Variants in USP24 observed in about 807,000 individuals in gnomAD.
USP24 encodes ubiquitin carboxyl-terminal hydrolase 24.
Under a neutral mutation model 361.6 loss-of-function variants are expected in USP24, and 97 were observed. The observed-to-expected ratio is 0.27, with a 90% CI of 0.23 to 0.32. The LOEUF (loss-of-function observed/expected upper bound fraction) is 0.32. Among genes scored for constraint, USP24 ranks in the 10% least tolerant of loss-of-function variants. USP24 has a pLI of 1.00. For synonymous variants in USP24, 1,098 were observed against 1,124.6 expected (o/e 0.98, Z 0.47); for missense variants, 2,353 against 3,165.6 (o/e 0.74, Z 6.16).
rs1160718491 is a variant in USP24, at chr1:55,067,268, GAGA to G, written c.*1774_*1776del. On this transcript the variant is annotated 3_prime_UTR_variant, in exon 68 of 68. Coordinates refer to ENST00000294383, the MANE Select transcript of USP24 (RefSeq NM_015306.3). The stretch of plus-strand genomic sequence containing the variant: ...ATCTCTTGGTGAGGATGTGGGCGGA[GAGA>G]AGGTGAGAATAGGGTAGGGGAAACA... The G allele has an allele frequency of 6.6e-6, 1 of 152,204 alleles. No homozygotes were observed. The highest frequency in any genetic ancestry group is 6.5e-5 in the Admixed American group (1 of 15,284). 9.4% of individuals were successfully genotyped at this position (152,204 alleles called of 1,614,324 possible).
chr1:55,149,383 CTTCAGAGGCTGA>C (rs1174374457), intron 16 of USP24, among the ~76,000 whole-genome samples: 1 of 152,184 alleles, frequency 6.6e-6, no homozygotes, highest in Non-Finnish European at 1.5e-5. Flanking sequence ...CCTCAGCATT[CTTCAGAGGCTGA>C]AGTTTTTGTT....
At chr1:55,141,845 G>T in intron 23 of USP24, 114 bp from the exon 24 acceptor site, 1 of 922,104 alleles carries the variant, frequency 1.1e-6, no homozygotes, top group Non-Finnish European at 1.7e-6. Flanking sequence ...TTCACTGTAG[G>T]ATGTTTAACA....
chr1:55,126,197 C>T (rs1646423517), intron 32 of USP24, among the ~76,000 whole-genome samples: 3 of 152,226 alleles, frequency 2.0e-5, no homozygotes, highest in Non-Finnish European at 4.4e-5. Context: ...AACACTGCCT[C>T]ATTCACGGTG....
intron 42 of USP24, 139 bp downstream of exon 42, chr1:55,103,737 T>C: frequency 1.2e-6 from 1 of 864,464 alleles, no homozygotes; most frequent in African/African-American, 1.7e-5. Context: ...TTATACTTGA[T>C]TTGAGTATGT....
chr1:55,135,670 AT>A (rs1176664238), intron 28 of USP24, among the ~76,000 whole-genome samples: 19 of 152,312 alleles, frequency 1.2e-4, no homozygotes, highest in Admixed American at 1.2e-3. Flanking sequence ...AGTAAGGTTT[AT>A]GCTCTGTAAA....
chr1:55,201,063 CT>C (rs1312464324), intron 1 of USP24, among the ~76,000 whole-genome samples: 1 of 152,230 alleles, frequency 6.6e-6, no homozygotes, highest in African/African-American at 2.4e-5. Context: ...AAGGTAAACA[CT>C]GTGACAGAAA....
Position 55,206,333 on chromosome 1 carries a change from A to C in USP24, c.324+8457T>G, listed in dbSNP as rs547925154. On this transcript the variant is annotated intron_variant, in intron 1 of 67. Transcript: ENST00000294383. ...CATGCAAAATGCAGTGGGAGAGTGT[A>C]GTGGTGTAAGACAAGTGTTCCGTAC... 2.0e-4 allele frequency among the ~76,000 whole-genome samples: 30 copies of C among 152,314 alleles called. No homozygotes were observed. In the South Asian group the frequency reaches 5.6e-3, roughly 28 times the overall value.
At chr1:55,070,141 GT>G (rs1644891466) in intron 67 of USP24, among the ~76,000 whole-genome samples, 1 of 152,116 alleles carries the variant, frequency 6.6e-6, no homozygotes. Flanking sequence ...GGTGCTGTGT[GT>G]GAGATAAGGA....
rs1014213994 is a variant in USP24, at chr1:55,120,718, A to G, written c.4386T>C (p.Ser1462=). ...CTGGATGCGCTGATGTGTCTGTCTG[A>G]CTAAGAGTGTACAGCTGATCACAGG... ...RVACDQLYTL[S]QTDTSAHPDV... is the part of the protein sequence containing the mutation. Residue 1462 remains serine, a synonymous_variant, in exon 38 of 68, where the codon AGT becomes AGC. Coordinates refer to ENST00000294383, the MANE Select transcript of USP24 (RefSeq NM_015306.3). The G allele has an allele frequency of 5.1e-6, 8 of 1,576,526 alleles. No individual in the cohort carries two copies. The highest frequency in any genetic ancestry group is 6.0e-6 in the Non-Finnish European group (7 of 1,159,902).
chr1:55,206,321 G>C (rs1644702310), intron 1 of USP24, among the ~76,000 whole-genome samples: 2 of 152,202 alleles, frequency 1.3e-5, no homozygotes, highest in African/African-American at 4.8e-5. Context: ...GCAAAATGCA[G>C]TGGGAGAGTG....
At chr1:55,134,294 C>A in intron 29 of USP24, 34 bp downstream of exon 29, 1 of 1,596,706 alleles carries the variant, frequency 6.3e-7, no homozygotes, top group Non-Finnish European at 8.6e-7. Context: ...TAGTAACTTT[C>A]TCTCTGCCAA....
At chr1:55,069,689 A>G (rs1361931005) in intron 67 of USP24, among the ~76,000 whole-genome samples, 1 of 151,618 alleles carries the variant, frequency 6.6e-6, no homozygotes, top group Non-Finnish European at 1.5e-5. Flanking sequence ...AGGTGGAAGG[A>G]AGAGAGTACA....
chr1:55,106,033 G>T, intron 41 of USP24, 113 bp downstream of exon 41: 1 of 829,188 alleles, frequency 1.2e-6, no homozygotes, highest in Non-Finnish European at 2.0e-6. Flanking sequence ...GGATAATATA[G>T]GATACACAGA....
At chr1:55,177,895 C>G (rs1305439728) in intron 2 of USP24, 72 bp downstream of exon 2, 29 of 1,416,700 alleles carry the variant, frequency 2.0e-5, no homozygotes, top group Non-Finnish European at 2.8e-5. Flanking sequence ...TAGGCAACAA[C>G]AAAGGCTAAG....
At position 55,121,421 on chromosome 1, in the gene USP24, G is replaced by C. The variant is rs1473360301; in HGVS notation, c.4347+15C>G. ...GGACCAAAGGAGTTTTGTAAGTAAT[G>C]TGAAAAATCCTTACCTCAGCACTTG... On this transcript the variant is annotated intron_variant, in intron 37 of 67. Coordinates refer to ENST00000294383, the MANE Select transcript of USP24 (RefSeq NM_015306.3). 1.2e-6 allele frequency: 2 copies of C among 1,609,254 alleles called. No homozygotes were observed. Among genetic ancestry groups the C allele is most frequent in the Non-Finnish European group, 1.7e-6 (2 of 1,177,678 alleles).
rs547736947 is a variant in USP24 at position 55,075,380 on chromosome 1, G to A, written c.7447+77C>T. On this transcript the variant is annotated intron_variant, in intron 63 of 67. Transcript: ENST00000294383. ...CTGTAGATCCCACCGAGAGTAGCAG[G>A]AGGCAGAACTGGCCAGAACAATAGA... 4.6e-5 allele frequency: 63 copies of A among 1,360,350 alleles called. No homozygotes were observed. The East Asian group carries it at 1.6e-3, about 35-fold the overall frequency. 84.3% of individuals were successfully genotyped at this position (1,360,350 alleles called of 1,614,324 possible). A position where few individuals can be genotyped will look rare whatever the true frequency, so the allele number is the denominator to read the frequency against.
Position 55,093,923 on chromosome 1 carries a change from T to C in USP24, c.6354+14A>G. 6.2e-7 allele frequency: 1 copy of C among 1,613,284 alleles called. No homozygotes were observed. Among genetic ancestry groups the C allele is most frequent in the Non-Finnish European group, 8.5e-7 (1 of 1,179,588 alleles). ...GTGGATATTCCCCCTTAGAATTTTT[T>C]ATATGGTTCTTACCTGGTATATTCG... On this transcript the variant is annotated intron_variant, in intron 52 of 67. Transcript: ENST00000294383.
intron 67 of USP24, chr1:55,071,037 C>T (rs549280834): frequency 2.9e-6 from 2 of 692,968 alleles, no homozygotes; most frequent in South Asian, 6.5e-5. Flanking sequence ...AGTCACATCA[C>T]TGTGCTGGGC....
rs1021474311 is a variant in USP24 at position 55,214,895 on chromosome 1, G to A, written c.219C>T (p.Asp73=). ...CGCCGCCGCCGCCGTCACCTCCGCC[G>A]TCGCCCCGCGGGCCCCCGCCGGGCC... is the stretch of plus-strand genomic sequence containing the variant. The part of the protein sequence containing the change: ...SPGPGGGPRG[D]GGGDGGGGGP... The change falls in exon 1 of 68, where the codon GAC becomes GAT. Residue 73 remains aspartate (D), a synonymous_variant. Coordinates refer to ENST00000294383, the MANE Select transcript of USP24 (RefSeq NM_015306.3). 2.4e-6 allele frequency: 3 copies of A among 1,264,114 alleles called. No homozygotes were observed. Among genetic ancestry groups the A allele is most frequent in the African/African-American group, 1.6e-5 (1 of 63,764 alleles). 78.3% of individuals were successfully genotyped at this position (1,264,114 alleles called of 1,614,324 possible). A position where few individuals can be genotyped will look rare whatever the true frequency, so the allele number is the denominator to read the frequency against.
Sources: allele counts gnomAD v4.1 joint callset (sites outside exome capture counted in the v4.1 genomes callset), GRCh38; gene constraint gnomAD v4.1.1; transcripts MANE v1.5; gene names NCBI Gene and HGNC (gene_info 2026-07-23, HGNC 2026-07-21).